The following CCDC27 variants were observed in gnomAD, a reference collection of about 807,000 sequenced individuals.
CCDC27 encodes the protein coiled-coil domain-containing protein 27.
In CCDC27, 80 loss-of-function variants were observed where a neutral mutation model predicts 80.3. The observed-to-expected ratio is 1.00, with a 90% CI of 0.83 to 1.20. CCDC27 has a LOEUF of 1.20. CCDC27 is among the 50% of genes most tolerant of loss of function. CCDC27 has a pLI of 0.00. For synonymous variants in CCDC27, 342 were observed against 334.3 expected, an observed-to-expected ratio of 1.02 and a Z score of -0.25; for missense variants, 815 against 809.4, an observed-to-expected ratio of 1.01 and a Z score of -0.08.
chr1:3,763,117 G>A lies in CCDC27; in HGVS notation c.964G>A (p.Glu322Lys), dbSNP rs757528937. 2 of 1,475,796 alleles carry A rather than the reference G, an allele frequency of 1.4e-6. No homozygotes were observed. Among genetic ancestry groups the A allele is most frequent in the Non-Finnish European group, 1.8e-6 (2 of 1,113,028 alleles). 91.4% of individuals were successfully genotyped at this position (1,475,796 alleles called of 1,614,324 possible). The change falls in exon 7 of 12, where the codon GAG becomes AAG. Residue 322 changes from glutamate (E) to lysine (K), a missense_variant. Transcript: ENST00000294600. This position sits in a 1 kb window ranked among gnomAD's most constrained non-coding sequence, Gnocchi z 7.5. ...ELQHWWQMQE[E>K]SAAPERGKEP... Reference sequence around the variant, plus strand: ...CCTACCCATCTTACAGATGCAGGAGGAGTCTGCGGCACCGGAGAGGGGCAA... The same window carrying A: ...CCTACCCATCTTACAGATGCAGGAGAAGTCTGCGGCACCGGAGAGGGGCAA...
At chr1:3,770,253 C>T (rs1226021524) in intron 11 of CCDC27, among the ~76,000 whole-genome samples, 2 of 152,212 alleles carry the variant, frequency 1.3e-5, no homozygotes, top group African/African-American at 4.8e-5. Flanking sequence ...GCTTGGTCCC[C>T]TCCGCTGGTA....
At chr1:3,767,153 AGG>A in intron 9 of CCDC27, 78 bp from the exon 10 acceptor site, 1 of 1,362,490 alleles carries the variant, frequency 7.3e-7, no homozygotes, top group Non-Finnish European at 1.0e-6. Flanking sequence ...GCCATCTTTT[AGG>A]AAAAAGTGGA....
intron 2 of CCDC27, 95 bp downstream of exon 2, chr1:3,754,336 G>T: frequency 2.1e-6 from 3 of 1,413,802 alleles, no homozygotes; most frequent in Non-Finnish European, 2.8e-6. Context: ...GCGAGCAGCC[G>T]CCAGAGTTGG....
Position 3,767,369 on chromosome 1 carries a change from A to T in CCDC27, c.1667A>T (p.Asp556Val). The change falls in exon 10 of 12, where the codon GAT (aspartate) becomes GTT (valine). Residue 556 changes from aspartate to valine, a missense_variant. Coordinates refer to ENST00000294600, the MANE Select transcript of CCDC27 (RefSeq NM_152492.3). ...HLQRWKQLQE[D>V]LQSKKEMIQQ... is the part of the protein sequence containing the mutation. ...CAGAGGTGGAAGCAGCTGCAGGAGG[A>T]TTTGCAGAGCAAGAAGGAGATGATT... 6.2e-7 allele frequency: 1 copy of T among 1,613,922 alleles called. No homozygotes were observed. The highest frequency in any genetic ancestry group is 1.1e-5 in the South Asian group (1 of 91,082).
intron 5 of CCDC27, among the ~76,000 whole-genome samples, chr1:3,762,121 C>G (rs1427965225): frequency 6.6e-6 from 1 of 152,182 alleles, no homozygotes; most frequent in Non-Finnish European, 1.5e-5. Context: ...CCTGAGGAGA[C>G]AGCCTGAGTT....
rs1643142339 is a variant in CCDC27 at position 3,763,371 on chromosome 1, G to GT, written c.1221dup (p.Glu408Ter). 1.2e-6 allele frequency: 2 copies of GT among 1,612,846 alleles called. No individual in the cohort carries two copies. Among genetic ancestry groups the GT allele is most frequent in the African/African-American group, 1.3e-5 (1 of 74,896 alleles). On this transcript the variant is annotated frameshift_variant, in exon 7 of 12. Coordinates refer to ENST00000294600, the MANE Select transcript of CCDC27 (RefSeq NM_152492.3). LOFTEE classifies it high-confidence loss of function. The surrounding 1 kb of genome is among the most constrained non-coding windows in gnomAD (Gnocchi z 7.5). ...GAAGGGCCTCCTCCCTGGCCGAGTCGTTTGAGGAGGAGCTGCTGGCCCAGC... is the reference window on the plus strand; with the variant it reads ...GAAGGGCCTCCTCCCTGGCCGAGTCGTTTTGAGGAGGAGCTGCTGGCCCAGC...
At position 3,766,094 on chromosome 1, in the gene CCDC27, G is replaced by T. The variant is rs749310481; in HGVS notation, c.1453-441G>T. Among the ~76,000 whole-genome samples, 1 of 152,090 alleles carries T rather than the reference G, an allele frequency of 6.6e-6. No individual in the cohort carries two copies. The highest frequency in any genetic ancestry group is 1.5e-5 in the Non-Finnish European group (1 of 68,026). On this transcript the variant is annotated intron_variant, in intron 8 of 11. Transcript: ENST00000294600. This position sits in a 1 kb window ranked among gnomAD's most constrained non-coding sequence, Gnocchi z 6.1. Reference sequence around the variant, plus strand: ...TTACCCACGCTTCTCTCAAATTCCCGACCTCAAGTGATCCACCCACCTCAG... The same window carrying T: ...TTACCCACGCTTCTCTCAAATTCCCTACCTCAAGTGATCCACCCACCTCAG...
At position 3,771,559 on chromosome 1, in the gene CCDC27, G is replaced by A. The variant is rs1393080148; in HGVS notation, c.*36G>A. 4 of 1,610,058 alleles carry A rather than the reference G, an allele frequency of 2.5e-6. No individual in the cohort carries two copies. In the African/African-American group the frequency reaches 5.3e-5, roughly 22 times the overall value. On this transcript the variant is annotated 3_prime_UTR_variant, in exon 12 of 12. Coordinates refer to ENST00000294600, the MANE Select transcript of CCDC27 (RefSeq NM_152492.3). ...GCCCCCAAATACGGTCAGCCCAGCA[G>A]AGGCCGGGGCCCAGCTCCAGAACCA...
chr1:3,757,446 A>G (rs757973962), intron 4 of CCDC27, among the ~76,000 whole-genome samples: 9 of 151,418 alleles, frequency 5.9e-5, no homozygotes, highest in Non-Finnish European at 1.3e-4. Context: ...TATTAGTAGT[A>G]GTAGTATTTT....
At chr1:3,771,008 G>A (rs1643348298) in intron 11 of CCDC27, among the ~76,000 whole-genome samples, 1 of 152,202 alleles carries the variant, frequency 6.6e-6, no homozygotes, top group Non-Finnish European at 1.5e-5. Context: ...AGGGACAGAT[G>A]TGACGACCTC....
Position 3,766,448 on chromosome 1 carries a change from T to C in CCDC27, c.1453-87T>C. 2.3e-6 allele frequency: 2 copies of C among 871,318 alleles called. No homozygotes were observed. The highest frequency in any genetic ancestry group is 3.7e-6 in the Non-Finnish European group (2 of 540,098). The allele number at this position is 871,318 out of a possible 1,614,324, so 54.0% of individuals were successfully genotyped here. On this transcript the variant is annotated intron_variant, in intron 8 of 11. Coordinates refer to ENST00000294600, the MANE Select transcript of CCDC27 (RefSeq NM_152492.3). The surrounding 1 kb of genome is among the most constrained non-coding windows in gnomAD (Gnocchi z 6.1). The stretch of plus-strand genomic sequence containing the variant: ...CCGCTGCTATTATTTTAGGGAGCTT[T>C]GGGGAAGGAAAAAAGTTAGATGCCG...
At chr1:3,756,679 G>T in intron 3 of CCDC27, 54 bp from the exon 4 acceptor site, 1 of 1,598,224 alleles carries the variant, frequency 6.3e-7, no homozygotes, top group South Asian at 1.1e-5. Flanking sequence ...AGACGCCAGA[G>T]GAGCTCGGCA....
chr1:3,753,488 TTTTA>T (rs751016277), intron 1 of CCDC27, among the ~76,000 whole-genome samples: 2 of 151,878 alleles, frequency 1.3e-5, no homozygotes, highest in Non-Finnish European at 2.9e-5. Flanking sequence ...GCCCGGCTAA[TTTTA>T]TTTGTTTGTT....
At chr1:3,755,653 T>C (rs1169956331) in intron 3 of CCDC27, 86 bp downstream of exon 3, 2 of 1,151,526 alleles carry the variant, frequency 1.7e-6, no homozygotes, top group Admixed American at 1.7e-5. Context: ...GCTTGTGCCC[T>C]GCGGAATTCC....
Position 3,763,695 on chromosome 1 carries a change from TCTG to T in CCDC27, c.1322-10_1322-8del. 6.2e-7 allele frequency: 1 copy of T among 1,614,058 alleles called. No homozygotes were observed. Among genetic ancestry groups the T allele is most frequent in the Non-Finnish European group, 8.5e-7 (1 of 1,179,956 alleles). ...CTTGCTCCTGCTCACCGCCTCTGCC[TCTG>T]TGCCCAGGAGTGATTGCGTCTTTAC... is the stretch of plus-strand genomic sequence containing the variant. On this transcript the variant is annotated splice_region_variant and splice_polypyrimidine_tract_variant and intron_variant, in intron 7 of 11. Coordinates refer to ENST00000294600, the MANE Select transcript of CCDC27 (RefSeq NM_152492.3). The surrounding 1 kb of genome is among the most constrained non-coding windows in gnomAD (Gnocchi z 7.5).
At chr1:3,771,117 G>A (rs995175076) in intron 11 of CCDC27, among the ~76,000 whole-genome samples, 2 of 152,164 alleles carry the variant, frequency 1.3e-5, no homozygotes, top group South Asian at 2.1e-4. Flanking sequence ...ACCTGCCCCC[G>A]GCTCCGCATT....
At position 3,769,494 on chromosome 1, in the gene CCDC27, T is replaced by C. The variant is rs987713085; in HGVS notation, c.1744-289T>C. 6.6e-6 allele frequency among the ~76,000 whole-genome samples: 1 copy of C among 152,098 alleles called. No homozygotes were observed. Among genetic ancestry groups the C allele is most frequent in the Admixed American group, 6.5e-5 (1 of 15,282 alleles). On this transcript the variant is annotated intron_variant, in intron 10 of 11. Coordinates refer to ENST00000294600, the MANE Select transcript of CCDC27 (RefSeq NM_152492.3). The surrounding 1 kb of genome is among the most constrained non-coding windows in gnomAD (Gnocchi z 4.6). The stretch of plus-strand genomic sequence containing the variant: ...TTGTTGGTTTAAAAATATATATATA[T>C]GTGTGTGTAGGTTTTACTTTCCAAT...
In CCDC27 at chr1:3,761,315, A is replaced by G; in HGVS notation, c.746A>G (p.Gln249Arg). Residue 249 changes from glutamine (Q) to arginine (R), a missense_variant, in exon 5 of 12, where the codon CAG becomes CGG. Transcript: ENST00000294600. The surrounding 1 kb of genome is among the most constrained non-coding windows in gnomAD (Gnocchi z 5.0). ...CTGTCTGAGCTGGAGATACAGGTTC[A>G]GAAGAAAGACGAGGAGATCCTGCTG... is the stretch of plus-strand genomic sequence containing the variant. ...HCLSELEIQVQKKDEEILLLQ... is the reference protein window; with the variant it reads ...HCLSELEIQVRKKDEEILLLQ... The G allele has an allele frequency of 6.2e-7, 1 of 1,614,150 alleles. No individual in the cohort carries two copies.
chr1:3,759,195 C>T (rs138878426), intron 4 of CCDC27, among the ~76,000 whole-genome samples: 2 of 150,918 alleles, frequency 1.3e-5, no homozygotes, highest in African/African-American at 2.4e-5. Flanking sequence ...CCAGCCCAGG[C>T]GACAGTGCAA....
Sources: allele counts gnomAD v4.1 joint callset (sites outside exome capture counted in the v4.1 genomes callset), GRCh38; gene constraint gnomAD v4.1.1; non-coding constraint Gnocchi (gnomAD v3.1); transcripts MANE v1.5; gene names NCBI Gene and HGNC (gene_info 2026-07-23, HGNC 2026-07-21).